LIPC: variants seen among roughly 807,000 people sequenced by gnomAD.
The protein encoded by LIPC is lipase C, hepatic type, also known as hepatic triacylglycerol lipase.
LIPC carries 44 observed loss-of-function variants against 50.7 expected under a neutral mutation model. The observed-to-expected ratio is 0.87, with a 90% CI of 0.68 to 1.11. The LOEUF (loss-of-function observed/expected upper bound fraction) is 1.11. Ranked by LOEUF, LIPC falls within the 50% of genes most tolerant of loss-of-function variation. The pLI is 0.00. For missense variants in LIPC, 697 were observed against 648.2 expected (o/e 1.08, Z -0.82); for synonymous variants, 271 against 256.4 (o/e 1.06, Z -0.54).
At position 58,491,095 on chromosome 15, in the gene LIPC, G is replaced by A. The variant is rs147923068; in HGVS notation, c.89-47238G>A. Reference sequence around the variant, plus strand: ...AGCACCCTTGAAGAACAGGTAAAGGGAGCCTGGTCTGAATTCTTAGCTCCT... The same window carrying A: ...AGCACCCTTGAAGAACAGGTAAAGGAAGCCTGGTCTGAATTCTTAGCTCCT... On this transcript the variant is annotated intron_variant, in intron 1 of 8. Transcript: ENST00000299022. 4.0e-3 allele frequency among the ~76,000 whole-genome samples: 605 copies of A among 152,286 alleles called. 14 individuals are homozygous for A. The highest frequency in any genetic ancestry group is 0.032 in the Admixed American group (489 of 15,300).
chr15:58,458,194 A>G (rs1316848638), intron 1 of LIPC, among the ~76,000 whole-genome samples: 2 of 151,902 alleles, frequency 1.3e-5, no homozygotes, highest in East Asian at 1.9e-4. Flanking sequence ...ATGTAAGTCC[A>G]TATATTCTGT....
At chr15:58,438,163 C>T (rs1228493966) in intron 1 of LIPC, among the ~76,000 whole-genome samples, 2 of 152,200 alleles carry the variant, frequency 1.3e-5, no homozygotes, top group Admixed American at 1.3e-4. Flanking sequence ...CCTCTCCCTG[C>T]CCTCCTCTCC....
intron 6 of LIPC, among the ~76,000 whole-genome samples, chr15:58,558,572 A>G (rs2414594): frequency 0.94 from 143,288 of 152,094 alleles, 67,789 homozygotes; most frequent in South Asian, 0.99. Context: ...CCTGAGCTCC[A>G]CCTGTCAGAG....
intron 1 of LIPC, among the ~76,000 whole-genome samples, chr15:58,511,198 G>T (rs1419004677): frequency 1.3e-5 from 2 of 152,138 alleles, no homozygotes; most frequent in Non-Finnish European, 2.9e-5. Context: ...CCATGGTCTT[G>T]TGTAATTCTG....
At chr15:58,461,567 C>CA (rs1395836577) in intron 1 of LIPC, among the ~76,000 whole-genome samples, 1 of 151,648 alleles carries the variant, frequency 6.6e-6, no homozygotes, top group Non-Finnish European at 1.5e-5. Context: ...CACCACCATG[C>CA]CAGGCTAATT....
chr15:58,466,317 C>A (rs560481251), intron 1 of LIPC, among the ~76,000 whole-genome samples: 6 of 152,246 alleles, frequency 3.9e-5, no homozygotes, highest in Admixed American at 3.9e-4. Context: ...CTGGAAATTC[C>A]CCCACACTCT....
intron 1 of LIPC, among the ~76,000 whole-genome samples, chr15:58,466,841 C>T (rs1894583518): frequency 6.6e-6 from 1 of 152,204 alleles, no homozygotes; most frequent in Non-Finnish European, 1.5e-5. Context: ...TCACACAGTA[C>T]TTACTGTAAT....
intron 1 of LIPC, among the ~76,000 whole-genome samples, chr15:58,511,132 C>G (rs1892317400): frequency 6.6e-6 from 1 of 152,194 alleles, no homozygotes; most frequent in African/African-American, 2.4e-5. Flanking sequence ...ACTCTACATC[C>G]TATGTTTTTC....
chr15:58,558,746 T>C (rs1894049857), intron 6 of LIPC, among the ~76,000 whole-genome samples: 1 of 152,098 alleles, frequency 6.6e-6, no homozygotes, highest in African/African-American at 2.4e-5. Flanking sequence ...CCATCCCTGA[T>C]GCCCAAAATG....
chr15:58,557,851 CTCCCACA>C (rs1445364949), intron 6 of LIPC, among the ~76,000 whole-genome samples: 38 of 152,230 alleles, frequency 2.5e-4, no homozygotes, highest in African/African-American at 8.9e-4. Flanking sequence ...AAGGCCAGTC[CTCCCACA>C]TCTTACCCCC....
At chr15:58,501,825 C>T (rs1891995866) in intron 1 of LIPC, among the ~76,000 whole-genome samples, 1 of 152,144 alleles carries the variant, frequency 6.6e-6, no homozygotes, top group Admixed American at 6.5e-5. Context: ...TGAGGACAGA[C>T]ACTGATGCTA....
chr15:58,500,006 A>G (rs1162069961), intron 1 of LIPC, among the ~76,000 whole-genome samples: 2 of 152,114 alleles, frequency 1.3e-5, no homozygotes, highest in African/African-American at 4.8e-5. Flanking sequence ...CAGCTGGAGT[A>G]AGGAGAGTAA....
intron 1 of LIPC, among the ~76,000 whole-genome samples, chr15:58,511,600 A>G (rs1424024447): frequency 2.0e-5 from 3 of 152,220 alleles, no homozygotes; most frequent in Non-Finnish European, 4.4e-5. Context: ...GCTGGTTTGC[A>G]TGAGCAAAGC....
chr15:58,551,720 C>T (rs1195594115), intron 6 of LIPC, among the ~76,000 whole-genome samples: 2 of 152,280 alleles, frequency 1.3e-5, no homozygotes, highest in Non-Finnish European at 1.5e-5. Flanking sequence ...TGCCCAACCC[C>T]GGCCTACAGA....
intron 1 of LIPC, among the ~76,000 whole-genome samples, chr15:58,469,706 C>T (rs927549164): frequency 2.0e-5 from 3 of 152,180 alleles, no homozygotes; most frequent in Non-Finnish European, 4.4e-5. Context: ...AACACTGTGG[C>T]CGTTGCAAAA....
chr15:58,548,791 C>T (rs773950716), intron 6 of LIPC, among the ~76,000 whole-genome samples: 14 of 152,178 alleles, frequency 9.2e-5, no homozygotes, highest in Non-Finnish European at 1.9e-4. Context: ...GAAACCTCGA[C>T]CATTTCTGAA....
intron 1 of LIPC, among the ~76,000 whole-genome samples, chr15:58,506,167 C>T (rs1344676418): frequency 6.6e-6 from 1 of 152,180 alleles, no homozygotes; most frequent in Non-Finnish European, 1.5e-5. Flanking sequence ...GGCTCCTTTC[C>T]CAGTACCGTG....
chr15:58,554,877 G>A (rs28524122), intron 6 of LIPC, among the ~76,000 whole-genome samples: 22,651 of 152,134 alleles, frequency 0.15, 1,955 homozygotes, highest in South Asian at 0.29. Flanking sequence ...AAGATTCTCC[G>A]TGCAGACATG....
intron 1 of LIPC, among the ~76,000 whole-genome samples, chr15:58,514,317 G>A (rs1179323731): frequency 3.3e-5 from 5 of 152,196 alleles, no homozygotes; most frequent in African/African-American, 1.2e-4. Context: ...TGTCTATAAG[G>A]CATTTGCAAA....
Sources: allele counts gnomAD v4.1 joint callset (sites outside exome capture counted in the v4.1 genomes callset), GRCh38; gene constraint gnomAD v4.1.1; transcripts MANE v1.5; gene names NCBI Gene and HGNC (gene_info 2026-07-23, HGNC 2026-07-21).